The following TTLL5 variants were observed in gnomAD, a reference collection of about 807,000 sequenced individuals.
TTLL5 encodes the protein tubulin polyglutamylase TTLL5.
In TTLL5, 132 loss-of-function variants were observed where a neutral mutation model predicts 168.4. The observed-to-expected ratio is 0.78, with a 90% CI of 0.68 to 0.91. The LOEUF is 0.91. Among genes scored for constraint, TTLL5 ranks in the 40% least tolerant of loss-of-function variants. The pLI, the probability that TTLL5 is intolerant of heterozygous loss-of-function variation, is 0.00. For missense variants in TTLL5, 1,545 were observed against 1,581.5 expected, an observed-to-expected ratio of 0.98 and a Z score of 0.39; for synonymous variants, 546 against 558.6, an observed-to-expected ratio of 0.98 and a Z score of 0.32.
intron 31 of TTLL5, among the ~76,000 whole-genome samples, chr14:75,932,018 A>G (rs1346265454): frequency 6.6e-6 from 1 of 152,248 alleles, no homozygotes; most frequent in African/African-American, 2.4e-5. Flanking sequence ...TATTCAATAC[A>G]TAAATATGGG....
At chr14:75,817,811 CTTTCTTTTCTTTTCTTTTCTTTTTTTT>C (rs1430720940) in intron 27 of TTLL5, among the ~76,000 whole-genome samples, 1 of 123,204 alleles carries the variant, frequency 8.1e-6, no homozygotes, top group Non-Finnish European at 1.8e-5. Flanking sequence ...CACAACCATT[CTTTCTTTTCTTTTCTTTTCTTTTTTTT>C]TTTTTTTTTT....
At chr14:75,914,033 A>AAAAAAAAAATATATATATATATAT in intron 31 of TTLL5, among the ~76,000 whole-genome samples, 2 of 71,098 alleles carry the variant, frequency 2.8e-5, no homozygotes, top group Non-Finnish European at 4.1e-5. Context: ...AAAAAAAAAA[A>AAAAAAAAAATATATATATATATAT]ATATATATAT....
At chr14:75,816,510 G>T (rs1302793776) in intron 27 of TTLL5, among the ~76,000 whole-genome samples, 1 of 152,164 alleles carries the variant, frequency 6.6e-6, no homozygotes, top group Non-Finnish European at 1.5e-5. Context: ...TAAATTAGGG[G>T]CAGTCTTGCC....
At chr14:75,951,507 G>A (rs188835745) in intron 31 of TTLL5, among the ~76,000 whole-genome samples, 1 of 151,948 alleles carries the variant, frequency 6.6e-6, no homozygotes, top group East Asian at 2.0e-4. Flanking sequence ...CACCTGTAAA[G>A]TCAACACTTT....
At chr14:75,899,267 A>G (rs543016329) in intron 30 of TTLL5, among the ~76,000 whole-genome samples, 1 of 152,318 alleles carries the variant, frequency 6.6e-6, no homozygotes, top group East Asian at 1.9e-4. Context: ...ATACCTCCCA[A>G]CGTAAATATT....
intron 15 of TTLL5, 150 bp from the exon 16 acceptor site, chr14:75,744,945 C>T (rs1367767469): frequency 4.7e-6 from 3 of 632,888 alleles, no homozygotes; most frequent in African/African-American, 3.7e-5. Context: ...TCCAGGGTTC[C>T]AGGCTGAGAT....
At chr14:75,708,836 C>T (rs974060719) in intron 9 of TTLL5, among the ~76,000 whole-genome samples, 1 of 152,126 alleles carries the variant, frequency 6.6e-6, no homozygotes, top group African/African-American at 2.4e-5. Flanking sequence ...CTAGTTTGCC[C>T]TGAAGTTCTT....
chr14:75,683,777 T>A, intron 5 of TTLL5, 121 bp downstream of exon 5: 3 of 185,238 alleles, frequency 1.6e-5, no homozygotes, highest in African/African-American at 5.2e-5. Flanking sequence ...GAAGAAGGAC[T>A]TTTTTTTTTT....
intron 1 of TTLL5, among the ~76,000 whole-genome samples, 170 bp from the exon 2 acceptor site, chr14:75,662,885 A>G (rs1263035423): frequency 6.6e-6 from 1 of 152,178 alleles, no homozygotes; most frequent in African/African-American, 2.4e-5. Context: ...TGGCATATTG[A>G]GGCACATATT....
At chr14:75,929,509 T>C (rs2140164425) in intron 31 of TTLL5, among the ~76,000 whole-genome samples, 1 of 138,522 alleles carries the variant, frequency 7.2e-6, no homozygotes, top group South Asian at 2.3e-4. Flanking sequence ...TGGAGTACAG[T>C]GGCACGATCT....
rs373520758 is a variant in TTLL5 at position 75,681,645 on chromosome 14, A to G, written c.264+18A>G. 9 of 1,604,702 alleles carry G rather than the reference A, an allele frequency of 5.6e-6. No homozygotes were observed. In the African/African-American group the frequency reaches 1.2e-4, roughly 21 times the overall value. On this transcript the variant is annotated intron_variant, in intron 4 of 31. Coordinates refer to ENST00000298832, the MANE Select transcript of TTLL5 (RefSeq NM_015072.5). ...TTCATGAAGTAAGTTTATTTTTAAT[A>G]CCTCACCTGATCTGCTCATAAGCTG...
chr14:75,950,476 C>G (rs1362818811), intron 31 of TTLL5, among the ~76,000 whole-genome samples: 1 of 152,022 alleles, frequency 6.6e-6, no homozygotes, highest in Admixed American at 6.6e-5. Flanking sequence ...GTTTTTTTCC[C>G]TTTGTTTCTT....
intron 30 of TTLL5, among the ~76,000 whole-genome samples, chr14:75,893,632 C>T (rs1333770076): frequency 6.6e-6 from 1 of 151,998 alleles, no homozygotes; most frequent in Non-Finnish European, 1.5e-5. Flanking sequence ...TCCTGGCTAA[C>T]ACGTTGAAAC....
intron 27 of TTLL5, among the ~76,000 whole-genome samples, chr14:75,810,402 G>C (rs1893923665): frequency 6.6e-6 from 1 of 152,056 alleles, no homozygotes; most frequent in Non-Finnish European, 1.5e-5. Context: ...CCAGGCTAGA[G>C]TGCCACCCAG....
At chr14:75,930,570 T>C in intron 31 of TTLL5, 1 of 979,672 alleles carries the variant, frequency 1.0e-6, no homozygotes, top group Middle Eastern at 5.3e-4. Context: ...GTATATATTA[T>C]TAATTAAATA....
intron 31 of TTLL5, among the ~76,000 whole-genome samples, chr14:75,913,018 A>G (rs1305856482): frequency 6.6e-6 from 1 of 152,216 alleles, no homozygotes; most frequent in Non-Finnish European, 1.5e-5. Context: ...GCAATCCTAA[A>G]TATAACTTCT....
intron 23 of TTLL5, among the ~76,000 whole-genome samples, chr14:75,778,879 T>C (rs1891883746): frequency 6.6e-6 from 1 of 152,248 alleles, no homozygotes; most frequent in South Asian, 2.1e-4. Flanking sequence ...TGATATACTT[T>C]AGTCTCGTGC....
At position 75,681,600 on chromosome 14, in the gene TTLL5, C is replaced by T. The variant is rs2140117855; in HGVS notation, c.237C>T (p.Ser79=). ...IVRTDSRLVR[S]ILTAHGFHEV... ...GAACGGACAGTCGCCTAGTACGCAG[C>T]ATTCTGACAGCCCATGGATTTCATG... Residue 79 remains serine (S), a synonymous_variant, in exon 4 of 32, where the codon AGC becomes AGT. Coordinates refer to ENST00000298832, the MANE Select transcript of TTLL5 (RefSeq NM_015072.5). 1 of 1,613,490 alleles carries T rather than the reference C, an allele frequency of 6.2e-7. No homozygotes were observed. The highest frequency in any genetic ancestry group is 1.1e-5 in the South Asian group (1 of 91,068).
intron 12 of TTLL5, among the ~76,000 whole-genome samples, chr14:75,722,270 A>G (rs1287761345): frequency 6.6e-6 from 1 of 151,714 alleles, no homozygotes; most frequent in Non-Finnish European, 1.5e-5. Flanking sequence ...TTTTGAGACA[A>G]GGTCTTGCTC....
Sources: allele counts gnomAD v4.1 joint callset (sites outside exome capture counted in the v4.1 genomes callset), GRCh38; gene constraint gnomAD v4.1.1; transcripts MANE v1.5; gene names NCBI Gene and HGNC (gene_info 2026-07-23, HGNC 2026-07-21).